Variants in ARHGEF7 observed in about 807,000 individuals in gnomAD.
ARHGEF7 encodes the protein PAK-interacting exchange factor beta.
ARHGEF7 carries 33 observed loss-of-function variants against 109.8 expected under a neutral mutation model. The observed-to-expected ratio is 0.30, with a 90% confidence interval of 0.23 to 0.40. The LOEUF (loss-of-function observed/expected upper bound fraction) is 0.40, where lower values mean the gene tolerates loss of function less well. Among genes scored for constraint, ARHGEF7 ranks in the 10% least tolerant of loss-of-function variants. The pLI is 1.00. For synonymous variants in ARHGEF7, 458 were observed against 424.6 expected, an observed-to-expected ratio of 1.08 and a Z score of -0.97; for missense variants, 938 against 1,098.5, an observed-to-expected ratio of 0.85 and a Z score of 2.07.
intron 1 of ARHGEF7, among the ~76,000 whole-genome samples, chr13:111,147,317 G>C (rs548906755): frequency 4.6e-5 from 7 of 152,184 alleles, no homozygotes; most frequent in African/African-American, 1.7e-4. Context: ...TCGTGTCTGG[G>C]AATTCCAGTT....
chr13:111,159,117 T>A (rs1271133210), intron 2 of ARHGEF7: 10 of 717,428 alleles, frequency 1.4e-5, no homozygotes, highest in Non-Finnish European at 2.6e-5. Context: ...ACACTTTACA[T>A]ATAGGTGAGA....
chr13:111,261,626 A>G (rs1408430132), intron 8 of ARHGEF7, among the ~76,000 whole-genome samples: 1 of 152,226 alleles, frequency 6.6e-6, no homozygotes, highest in Non-Finnish European at 1.5e-5. Flanking sequence ...CTTACAGAAC[A>G]TTTCCTCTAG....
intron 5 of ARHGEF7, among the ~76,000 whole-genome samples, chr13:111,231,965 G>T (rs938786531): frequency 6.6e-6 from 1 of 152,112 alleles, no homozygotes; most frequent in Non-Finnish European, 1.5e-5. Context: ...GCCCCAATTT[G>T]ATACACTGCT....
chr13:111,122,942 T>G lies in ARHGEF7; in HGVS notation c.165+7251T>G, dbSNP rs748421. On this transcript the variant is annotated intron_variant, in intron 1 of 21. Transcript: ENST00000646102. ...AAGCAAATGGCTCCAAGGCCTGTGC[T>G]GGGAGGCGGCCCTGGGATACTGTGT... 4.7e-4 allele frequency among the ~76,000 whole-genome samples: 71 copies of G among 152,298 alleles called. 1 individual carries two copies. Among genetic ancestry groups the G allele is most frequent in the Admixed American group, 3.9e-3 (60 of 15,304 alleles).
rs200716408 is a variant in ARHGEF7 at position 111,273,991 on chromosome 13, A to G, written c.1212+39A>G. On this transcript the variant is annotated intron_variant, in intron 10 of 21. Transcript: ENST00000646102. This position sits in a 1 kb window ranked among gnomAD's most constrained non-coding sequence, Gnocchi z 4.5. ...ATTCTCTTACTTGGAGTCCTTACCA[A>G]GGGTTAGTGGCATGGTCAGACTTAC... 6.2e-7 allele frequency: 1 copy of G among 1,607,270 alleles called. No individual in the cohort carries two copies. Among genetic ancestry groups the G allele is most frequent in the Non-Finnish European group, 8.5e-7 (1 of 1,174,338 alleles).
intron 9 of ARHGEF7, among the ~76,000 whole-genome samples, chr13:111,270,159 A>G (rs534754294): frequency 5.9e-5 from 9 of 152,208 alleles, no homozygotes; most frequent in Non-Finnish European, 1.0e-4. Flanking sequence ...ACACTTGTCC[A>G]TGGCCAGCTA....
chr13:111,213,554 G>A (rs950214656), intron 4 of ARHGEF7, among the ~76,000 whole-genome samples: 9 of 152,120 alleles, frequency 5.9e-5, no homozygotes, highest in South Asian at 2.1e-4. Context: ...GTGAAGATGA[G>A]TTTTATCCAT....
intron 8 of ARHGEF7, among the ~76,000 whole-genome samples, chr13:111,253,572 G>A (rs2090051125): frequency 6.6e-6 from 1 of 152,204 alleles, no homozygotes; most frequent in South Asian, 2.1e-4. Flanking sequence ...GCATGGGCTG[G>A]CAAACAGTGG....
At chr13:111,283,088 G>A in intron 15 of ARHGEF7, 51 bp from the exon 16 acceptor site, 2 of 1,543,766 alleles carry the variant, frequency 1.3e-6, no homozygotes, top group African/African-American at 1.4e-5. Context: ...CTTTCGCGGT[G>A]AGCACGCGAG....
chr13:111,173,186 C>G (rs2077760746), intron 2 of ARHGEF7, among the ~76,000 whole-genome samples: 1 of 152,140 alleles, frequency 6.6e-6, no homozygotes, highest in African/African-American at 2.4e-5. Context: ...CTGCCAGTTA[C>G]CTCCCCCAGA....
At chr13:111,206,484 G>A (rs1217037614) in intron 3 of ARHGEF7, among the ~76,000 whole-genome samples, 1 of 152,198 alleles carries the variant, frequency 6.6e-6, no homozygotes, top group African/African-American at 2.4e-5. Flanking sequence ...AGGTGTGGCT[G>A]TGGCTGCGTG....
chr13:111,278,069 C>T (rs113483515), intron 13 of ARHGEF7, among the ~76,000 whole-genome samples: 8 of 152,258 alleles, frequency 5.3e-5, no homozygotes, highest in Admixed American at 1.3e-4. Context: ...GTCAGTGGCA[C>T]GGCACCGCCC....
rs578134845 is a variant in ARHGEF7 at position 111,225,307 on chromosome 13, T to C, written c.670+7427T>C. ...GTATTACTTACATGCCACATGCTTG[T>C]AGCATGTGATAGCCAGTAGACGGAA... is the stretch of plus-strand genomic sequence containing the variant. On this transcript the variant is annotated intron_variant, in intron 5 of 21. Coordinates refer to ENST00000646102, the MANE Select transcript of ARHGEF7 (RefSeq NM_001354046.2). 2.6e-5 allele frequency among the ~76,000 whole-genome samples: 4 copies of C among 152,218 alleles called. No homozygotes were observed. The South Asian group carries it at 6.2e-4, about 24-fold the overall frequency.
At chr13:111,274,333 A>G (rs957196760) in intron 10 of ARHGEF7, among the ~76,000 whole-genome samples, 1 of 152,238 alleles carries the variant, frequency 6.6e-6, no homozygotes, top group African/African-American at 2.4e-5. Context: ...AACAGGTTGC[A>G]GCCTAGCAGA....
intron 8 of ARHGEF7, among the ~76,000 whole-genome samples, chr13:111,246,845 A>G (rs2088939715): frequency 6.6e-6 from 1 of 152,226 alleles, no homozygotes; most frequent in Non-Finnish European, 1.5e-5. Flanking sequence ...TTATTACAGT[A>G]TATTTTAAAA....
At chr13:111,118,590 G>A (rs913877319) in intron 1 of ARHGEF7, among the ~76,000 whole-genome samples, 3 of 152,108 alleles carry the variant, frequency 2.0e-5, no homozygotes, top group African/African-American at 7.2e-5. Flanking sequence ...CACTCCTCCC[G>A]TGAGCAGAGG....
chr13:111,219,922 G>A (rs757644980), intron 5 of ARHGEF7, among the ~76,000 whole-genome samples: 1 of 152,270 alleles, frequency 6.6e-6, no homozygotes, highest in African/African-American at 2.4e-5. Flanking sequence ...AAAAAAATCC[G>A]TTCATGTGTA....
At chr13:111,169,361 C>G (rs1253901184) in intron 2 of ARHGEF7, among the ~76,000 whole-genome samples, 2 of 152,116 alleles carry the variant, frequency 1.3e-5, no homozygotes, top group Admixed American at 1.3e-4. Flanking sequence ...TGCCCTGTTT[C>G]TGGAGAGGCC....
chr13:111,287,401 G>T (rs1385522445), intron 17 of ARHGEF7, among the ~76,000 whole-genome samples: 1 of 152,228 alleles, frequency 6.6e-6, no homozygotes, highest in African/African-American at 2.4e-5. Flanking sequence ...GCCGGGGGCC[G>T]GCTGCAGCTG....
Sources: gnomAD v4.1 joint callset for allele counts (sites outside exome capture counted in the v4.1 genomes callset) on GRCh38, gnomAD v4.1.1 for gene constraint, Gnocchi (gnomAD v3.1) non-coding constraint, MANE v1.5 for transcripts, NCBI Gene and HGNC (gene_info 2026-07-23, HGNC 2026-07-21) for gene names.